The following CDH18 variants were observed in gnomAD, a reference collection of about 807,000 sequenced individuals.
CDH18 encodes cadherin-18.
In CDH18, 31 loss-of-function variants were observed where a neutral mutation model predicts 67.9. That is an observed-to-expected ratio of 0.46 (90% CI 0.34 to 0.62). CDH18 has a LOEUF of 0.62. Among genes scored for constraint, CDH18 ranks in the 20% least tolerant of loss-of-function variants. The pLI, the probability that CDH18 is intolerant of heterozygous loss-of-function variation, is 0.01. For missense variants in CDH18, 890 were observed against 975.5 expected (o/e 0.91, Z 1.17); for synonymous variants, 362 against 347.2 (o/e 1.04, Z -0.48).
intron 2 of CDH18, among the ~76,000 whole-genome samples, chr5:20,012,924 G>A (rs1035936165): frequency 1.3e-5 from 2 of 151,994 alleles, no homozygotes; most frequent in African/African-American, 4.8e-5. Flanking sequence ...GTAGGAGGAG[G>A]GAGAGGAGCA....
intron 2 of CDH18, among the ~76,000 whole-genome samples, chr5:20,110,243 C>T (rs1747344468): frequency 6.6e-6 from 1 of 152,172 alleles, no homozygotes; most frequent in Non-Finnish European, 1.5e-5. Flanking sequence ...TTTTTTCTTA[C>T]TAACTCTTGG....
At chr5:20,158,489 G>A (rs750299592) in intron 2 of CDH18, among the ~76,000 whole-genome samples, 1 of 151,980 alleles carries the variant, frequency 6.6e-6, no homozygotes, top group East Asian at 1.9e-4. Flanking sequence ...CAGTAAAATA[G>A]CTTATTACAT....
At chr5:19,927,110 A>G (rs1793175484) in intron 2 of CDH18, among the ~76,000 whole-genome samples, 1 of 152,114 alleles carries the variant, frequency 6.6e-6, no homozygotes, top group African/African-American at 2.4e-5. Flanking sequence ...TATATTTGTA[A>G]TAGTAATTCT....
rs543763457 is a variant in CDH18 at position 19,949,081 on chromosome 5, T to C, written c.-257+31979A>G. ...GAATAAAAGTAAGCACAGCTACACA[T>C]GTGGAATCAAATATTTCATTAGCCA... On this transcript the variant is annotated intron_variant, in intron 2 of 12. Coordinates refer to ENST00000382275, the MANE Select transcript of CDH18 (RefSeq NM_004934.5). Among the ~76,000 whole-genome samples, 5 of 152,230 alleles carry C rather than the reference T, an allele frequency of 3.3e-5. No homozygotes were observed. The South Asian group carries it at 6.2e-4, about 19-fold the overall frequency.
intron 2 of CDH18, among the ~76,000 whole-genome samples, chr5:19,876,489 A>T (rs894588513): frequency 6.6e-5 from 10 of 152,068 alleles, no homozygotes; most frequent in African/African-American, 2.4e-4. Context: ...GGAGTATTTA[A>T]ATATTGATAT....
chr5:20,053,606 C>T (rs1447284125), intron 2 of CDH18, among the ~76,000 whole-genome samples: 1 of 152,050 alleles, frequency 6.6e-6, no homozygotes, highest in African/African-American at 2.4e-5. Context: ...TCTTATCAGT[C>T]CTTCCTTCAA....
chr5:20,500,472 G>C (rs1249923960), intron 1 of CDH18, among the ~76,000 whole-genome samples: 1 of 152,094 alleles, frequency 6.6e-6, no homozygotes, highest in Non-Finnish European at 1.5e-5. Context: ...GGGGCACCTG[G>C]GGAATTGAAC....
chr5:19,752,971 G>A (rs1459985904), intron 3 of CDH18, among the ~76,000 whole-genome samples: 1 of 152,114 alleles, frequency 6.6e-6, no homozygotes, highest in Non-Finnish European at 1.5e-5. Flanking sequence ...CACATCCATA[G>A]GAAAAGGGGG....
intron 2 of CDH18, among the ~76,000 whole-genome samples, chr5:20,236,898 C>A (rs1742514674): frequency 1.3e-5 from 2 of 151,792 alleles, no homozygotes; most frequent in African/African-American, 2.4e-5. Context: ...TATTACAAAT[C>A]AAATATAACA....
chr5:19,816,692 C>A (rs1005123578), intron 3 of CDH18, among the ~76,000 whole-genome samples: 1 of 151,690 alleles, frequency 6.6e-6, no homozygotes, highest in Non-Finnish European at 1.5e-5. Context: ...CTAACATAAG[C>A]AATTTCACTG....
intron 2 of CDH18, among the ~76,000 whole-genome samples, chr5:19,856,817 TTGTTTCGGCCAC>T (rs1206870415): frequency 6.6e-6 from 1 of 152,188 alleles, no homozygotes; most frequent in Non-Finnish European, 1.5e-5. Context: ...TAAATTTCTG[TTGTTTCGGCCAC>T]CCACTCTTTG....
chr5:19,801,648 C>T (rs887480056), intron 3 of CDH18, among the ~76,000 whole-genome samples: 1 of 152,172 alleles, frequency 6.6e-6, no homozygotes, highest in South Asian at 2.1e-4. Flanking sequence ...AGGGAATATA[C>T]ACCAGATCAG....
chr5:20,368,981 T>C (rs975015286), intron 1 of CDH18, among the ~76,000 whole-genome samples: 1 of 152,188 alleles, frequency 6.6e-6, no homozygotes. Flanking sequence ...TTGCTTTCTT[T>C]TTCTCATTAT....
intron 2 of CDH18, among the ~76,000 whole-genome samples, chr5:19,970,056 T>C (rs918005168): frequency 6.6e-6 from 1 of 151,818 alleles, no homozygotes; most frequent in Admixed American, 6.6e-5. Flanking sequence ...GCACTAAAAT[T>C]ACATGAGTGA....
At chr5:20,143,840 G>A (rs1047238411) in intron 2 of CDH18, among the ~76,000 whole-genome samples, 2 of 152,108 alleles carry the variant, frequency 1.3e-5, no homozygotes, top group Non-Finnish European at 2.9e-5. Context: ...CGTGGAAACA[G>A]GGCCAAGGAT....
At chr5:19,731,102 C>A (rs1479381418) in intron 4 of CDH18, among the ~76,000 whole-genome samples, 1 of 152,140 alleles carries the variant, frequency 6.6e-6, no homozygotes, top group East Asian at 1.9e-4. Context: ...TCTAGTCCTA[C>A]AATGAACCTA....
chr5:19,689,563 T>A lies in CDH18; in HGVS notation c.643+31784A>T, dbSNP rs560209743. Among the ~76,000 whole-genome samples, 3 of 151,968 alleles carry A rather than the reference T, an allele frequency of 2.0e-5. No homozygotes were observed. In the East Asian group the frequency reaches 5.8e-4, roughly 29 times the overall value. On this transcript the variant is annotated intron_variant, in intron 5 of 12. Coordinates refer to ENST00000382275, the MANE Select transcript of CDH18 (RefSeq NM_004934.5). Reference sequence around the variant, plus strand: ...TACACCTGGAAACAAAAGGCTTATATCTATCATTGTGAAATACATGAAAGT... The same window carrying A: ...TACACCTGGAAACAAAAGGCTTATAACTATCATTGTGAAATACATGAAAGT...
intron 2 of CDH18, among the ~76,000 whole-genome samples, chr5:20,074,860 T>C (rs1395911937): frequency 6.6e-6 from 1 of 152,122 alleles, no homozygotes; most frequent in Non-Finnish European, 1.5e-5. Flanking sequence ...TTATTATCCA[T>C]GTAAATCCCT....
chr5:20,380,171 A>G (rs1254739261), intron 1 of CDH18, among the ~76,000 whole-genome samples: 1 of 152,152 alleles, frequency 6.6e-6, no homozygotes, highest in Non-Finnish European at 1.5e-5. Context: ...TAGCATTTTG[A>G]TGGATGGGTC....
Sources: allele counts gnomAD v4.1 joint callset (sites outside exome capture counted in the v4.1 genomes callset), GRCh38; gene constraint gnomAD v4.1.1; transcripts MANE v1.5; gene names NCBI Gene and HGNC (gene_info 2026-07-23, HGNC 2026-07-21).